The following TBC1D32 variants were observed in gnomAD, a reference collection of about 807,000 sequenced individuals.
The protein encoded by TBC1D32 is protein broad-minded.
Under a neutral mutation model 170.3 loss-of-function variants are expected in TBC1D32, and 151 were observed. The observed-to-expected ratio is 0.89, with a 90% CI of 0.78 to 1.01. The LOEUF is 1.01. Ranked by LOEUF, TBC1D32 falls within the 50% of genes least tolerant of loss-of-function variation. The probability of loss-of-function intolerance (pLI) is 0.00; values close to 1 mark genes in which losing one functional copy is unlikely to be tolerated. For synonymous variants in TBC1D32, 498 were observed against 488.0 expected, an observed-to-expected ratio of 1.02 and a Z score of -0.27; for missense variants, 1,464 against 1,457.1, an observed-to-expected ratio of 1.00 and a Z score of -0.08.
intron 17 of TBC1D32, among the ~76,000 whole-genome samples, chr6:121,246,498 T>A (rs117523287): frequency 0.028 from 4,314 of 151,896 alleles, 104 homozygotes; most frequent in Non-Finnish European, 0.043. Context: ...CCCCAAAAGG[T>A]CACAGTAGGC....
At chr6:121,308,191 T>C (rs2128484447) in intron 4 of TBC1D32, 90 bp from the exon 5 acceptor site, 1 of 1,232,832 alleles carries the variant, frequency 8.1e-7, no homozygotes, top group South Asian at 1.4e-5. Context: ...TACTAAAAGG[T>C]AAAGTCTGGA....
chr6:121,129,271 A>G (rs1337120117), intron 25 of TBC1D32, among the ~76,000 whole-genome samples: 1 of 152,214 alleles, frequency 6.6e-6, no homozygotes, highest in African/African-American at 2.4e-5. Flanking sequence ...ATAGTATTCA[A>G]GAAATTACAC....
At chr6:121,157,463 A>T (rs905549358) in intron 24 of TBC1D32, among the ~76,000 whole-genome samples, 3 of 151,942 alleles carry the variant, frequency 2.0e-5, no homozygotes, top group Non-Finnish European at 4.4e-5. Context: ...CCAGCTTGCC[A>T]CTCTATGCTT....
chr6:121,306,955 T>A (rs1318644894), intron 5 of TBC1D32, among the ~76,000 whole-genome samples: 1 of 152,190 alleles, frequency 6.6e-6, no homozygotes, highest in Admixed American at 6.5e-5. Flanking sequence ...GAGGAAAATG[T>A]TTATAAGCCC....
At chr6:121,083,717 C>A (rs543893253) in intron 31 of TBC1D32, among the ~76,000 whole-genome samples, 41 of 152,022 alleles carry the variant, frequency 2.7e-4, no homozygotes, top group African/African-American at 9.9e-4. Context: ...GGATTCAGAC[C>A]AAATGAAAGG....
At chr6:121,151,420 A>C (rs1022377721) in intron 24 of TBC1D32, among the ~76,000 whole-genome samples, 1 of 152,112 alleles carries the variant, frequency 6.6e-6, no homozygotes, top group African/African-American at 2.4e-5. Context: ...TTTACTTCTA[A>C]TTATGTGGTT....
At chr6:121,175,671 T>C (rs1787666872) in intron 22 of TBC1D32, among the ~76,000 whole-genome samples, 1 of 152,134 alleles carries the variant, frequency 6.6e-6, no homozygotes, top group South Asian at 2.1e-4. Context: ...CCCAAAACAT[T>C]CTGAGTAAAT....
chr6:121,274,836 A>T (rs1040322535), intron 15 of TBC1D32, among the ~76,000 whole-genome samples: 1 of 152,230 alleles, frequency 6.6e-6, no homozygotes, highest in Non-Finnish European at 1.5e-5. Flanking sequence ...GCTCAAAAAC[A>T]GATGTCTTTA....
chr6:121,116,752 A>G (rs1307937323), intron 26 of TBC1D32, among the ~76,000 whole-genome samples: 1 of 152,186 alleles, frequency 6.6e-6, no homozygotes, highest in Non-Finnish European at 1.5e-5. Flanking sequence ...AAGGAATTGG[A>G]TGTGTTAAAT....
intron 30 of TBC1D32, among the ~76,000 whole-genome samples, chr6:121,105,108 A>G (rs890840867): frequency 1.3e-5 from 2 of 152,036 alleles, no homozygotes; most frequent in Middle Eastern, 3.4e-3. Flanking sequence ...TCAATAAGAA[A>G]CACTCTAAGA....
intron 30 of TBC1D32, among the ~76,000 whole-genome samples, chr6:121,099,035 C>CA (rs1204697200): frequency 6.6e-6 from 1 of 151,820 alleles, no homozygotes; most frequent in Admixed American, 6.6e-5. Flanking sequence ...CAATGTGTCA[C>CA]AAAAAAATAA....
intron 15 of TBC1D32, among the ~76,000 whole-genome samples, chr6:121,259,807 T>C (rs953831957): frequency 1.3e-5 from 2 of 152,122 alleles, no homozygotes; most frequent in Admixed American, 6.5e-5. Flanking sequence ...AAAAGTGAAA[T>C]TGAAAACAGA....
Position 121,115,105 on chromosome 6 carries a change from G to C in TBC1D32, c.3053+67C>G, listed in dbSNP as rs1779561988. Reference sequence around the variant, plus strand: ...GTTGGTTGTTAAATTAAATACTACTGAGCACATATGAGGCAGATAAAACAA... The same window carrying C: ...GTTGGTTGTTAAATTAAATACTACTCAGCACATATGAGGCAGATAAAACAA... On this transcript the variant is annotated intron_variant, in intron 27 of 31. Coordinates refer to ENST00000398212, the MANE Select transcript of TBC1D32 (RefSeq NM_152730.6). 5.0e-6 allele frequency: 6 copies of C among 1,190,252 alleles called. 1 individual carries two copies. Among genetic ancestry groups the C allele is most frequent in the East Asian group, 2.5e-5 (1 of 39,544 alleles). 73.7% of individuals were successfully genotyped at this position (1,190,252 alleles called of 1,614,324 possible).
intron 24 of TBC1D32, among the ~76,000 whole-genome samples, chr6:121,159,759 A>C (rs1406441941): frequency 6.6e-6 from 1 of 152,202 alleles, no homozygotes; most frequent in Non-Finnish European, 1.5e-5. Flanking sequence ...TACAGTAAAA[A>C]TGTGGTATAA....
rs563268235 is a variant in TBC1D32, at chr6:121,237,532, C to T, written c.2364+1538G>A. On this transcript the variant is annotated intron_variant, in intron 20 of 31. Transcript: ENST00000398212. ...TGTTAAACATTTTGACATGGTCTCA[C>T]AAATCACTGAAGTTTTTCTTTTATT... 2.6e-5 allele frequency among the ~76,000 whole-genome samples: 4 copies of T among 152,070 alleles called. No individual in the cohort carries two copies. In the South Asian group the frequency reaches 8.3e-4, roughly 31 times the overall value.
chr6:121,260,443 G>C (rs1050541469), intron 15 of TBC1D32, among the ~76,000 whole-genome samples: 5 of 152,096 alleles, frequency 3.3e-5, no homozygotes, highest in Admixed American at 3.3e-4. Context: ...TCCTGCACTG[G>C]CAACTGAGGT....
At chr6:121,307,335 C>T (rs1807482522) in intron 5 of TBC1D32, among the ~76,000 whole-genome samples, 1 of 152,042 alleles carries the variant, frequency 6.6e-6, no homozygotes, top group Admixed American at 6.6e-5. Context: ...GTGATCATGC[C>T]ACTACACTCT....
In TBC1D32 at chr6:121,334,469, C is replaced by A; in HGVS notation, c.-39G>T. On this transcript the variant is annotated 5_prime_UTR_variant, in exon 1 of 32. Coordinates refer to ENST00000398212, the MANE Select transcript of TBC1D32 (RefSeq NM_152730.6). Reference sequence around the variant, plus strand: ...AACGTCCACTCTCATTACTCCAGGTCCGAGCAAAAGCCGCGCACTGCGCAC... The same window carrying A: ...AACGTCCACTCTCATTACTCCAGGTACGAGCAAAAGCCGCGCACTGCGCAC... 3.8e-6 allele frequency: 6 copies of A among 1,589,308 alleles called. No homozygotes were observed. The highest frequency in any genetic ancestry group is 1.8e-5 in the Admixed American group (1 of 55,836).
At chr6:121,145,333 A>G (rs561101150) in intron 24 of TBC1D32, among the ~76,000 whole-genome samples, 1 of 152,190 alleles carries the variant, frequency 6.6e-6, no homozygotes, top group African/African-American at 2.4e-5. Flanking sequence ...ATGAACCTTG[A>G]GGACACTGTG....
Sources: allele counts gnomAD v4.1 joint callset (sites outside exome capture counted in the v4.1 genomes callset), GRCh38; gene constraint gnomAD v4.1.1; transcripts MANE v1.5; gene names NCBI Gene and HGNC (gene_info 2026-07-23, HGNC 2026-07-21).